The following KCNN1 variants were observed in gnomAD, a reference collection of about 807,000 sequenced individuals.
KCNN1 encodes the protein potassium calcium-activated channel subfamily N member 1, also known as small conductance calcium-activated potassium channel protein 1.
A neutral mutation model predicts 44.7 loss-of-function variants in KCNN1; 20 were observed. The ratio of observed to expected loss-of-function variants is 0.45; its 90% CI spans 0.32 to 0.65. The LOEUF (loss-of-function observed/expected upper bound fraction) is 0.65. KCNN1 is among the 30% of genes least tolerant of loss of function. The pLI is 0.05. For synonymous variants in KCNN1, 324 were observed against 341.7 expected, an observed-to-expected ratio of 0.95 and a Z score of 0.57; for missense variants, 632 against 785.3, an observed-to-expected ratio of 0.80 and a Z score of 2.33.
upstream of KCNN1, among the ~76,000 whole-genome samples, chr19:17,965,946 C>T (rs2031791838): frequency 6.6e-6 from 1 of 152,164 alleles, no homozygotes; most frequent in South Asian, 2.1e-4. Flanking sequence ...CACCTGGCCC[C>T]TCTGTGACTC....
chr19:17,997,526 G>C (rs1044433038), intron 9 of KCNN1, among the ~76,000 whole-genome samples: 2 of 152,118 alleles, frequency 1.3e-5, no homozygotes, highest in African/African-American at 4.8e-5. Context: ...TTCTTGAGAC[G>C]GATTTTCCCT....
chr19:17,978,682 G>A (rs562274232), intron 3 of KCNN1, among the ~76,000 whole-genome samples: 3 of 151,126 alleles, frequency 2.0e-5, no homozygotes, highest in Non-Finnish European at 4.4e-5. Flanking sequence ...CAAACTCCTG[G>A]GCTAGAGTGA....
intron 2 of KCNN1, among the ~76,000 whole-genome samples, chr19:17,955,735 C>T (rs1359698882): frequency 6.6e-6 from 1 of 151,676 alleles, no homozygotes. Context: ...GCCAGATGAC[C>T]TAGAAGTGGG....
At chr19:17,960,655 A>AAAAGG (rs1312149917) in intron 2 of KCNN1, among the ~76,000 whole-genome samples, 1 of 151,866 alleles carries the variant, frequency 6.6e-6, no homozygotes, top group Admixed American at 6.6e-5. Flanking sequence ...AAAAGAAAAG[A>AAAAGG]AAAACACACA....
chr19:17,982,109 C>T lies in KCNN1; in HGVS notation c.899C>T (p.Thr300Ile), dbSNP rs746081568. 1 of 1,577,654 alleles carries T rather than the reference C, an allele frequency of 6.3e-7. No homozygotes were observed. Among genetic ancestry groups the T allele is most frequent in the Non-Finnish European group, 8.6e-7 (1 of 1,161,744 alleles). The change falls in exon 4 of 10, where the codon ACC (threonine) becomes ATC (isoleucine). Residue 300 changes from threonine to isoleucine, a missense_variant. Thr to Ile is a moderately conservative substitution (Grantham distance 89). Coordinates refer to ENST00000684775, the MANE Select transcript of KCNN1 (RefSeq NM_001386974.1). ...SISSWIIAAWTVRVCERYHDK... is the reference protein window; with the variant it reads ...SISSWIIAAWIVRVCERYHDK... ...TCCTCCTGGATCATCGCAGCCTGGA[C>T]CGTGCGCGTCTGCGAGAGGTGCGAC...
At chr19:17,973,023 C>A (rs2032075087) in intron 1 of KCNN1, among the ~76,000 whole-genome samples, 2 of 152,100 alleles carry the variant, frequency 1.3e-5, no homozygotes, top group Admixed American at 1.3e-4. Flanking sequence ...GATTGGGAGA[C>A]CATTGTGGCT....
At chr19:17,997,955 C>G (rs2145983945) in intron 9 of KCNN1, among the ~76,000 whole-genome samples, 197 bp from the exon 10 acceptor site, 1 of 152,136 alleles carries the variant, frequency 6.6e-6, no homozygotes, top group East Asian at 1.9e-4. Flanking sequence ...CATCCACTCT[C>G]CAATCCTTCC....
intron 4 of KCNN1, among the ~76,000 whole-genome samples, chr19:17,984,794 A>G (rs2032538278): frequency 6.6e-6 from 1 of 151,972 alleles, no homozygotes; most frequent in Admixed American, 6.6e-5. Context: ...CCCAACCCCC[A>G]GATGCAACAT....
intron 1 of KCNN1, among the ~76,000 whole-genome samples, chr19:17,968,161 C>A (rs2031883537): frequency 6.6e-6 from 1 of 151,946 alleles, no homozygotes; most frequent in Admixed American, 6.6e-5. Context: ...CGGACTCTGG[C>A]TGCGCCCGCT....
chr19:17,978,048 A>T (rs2032263611), intron 3 of KCNN1, among the ~76,000 whole-genome samples: 1 of 151,594 alleles, frequency 6.6e-6, no homozygotes, highest in African/African-American at 2.4e-5. Context: ...TAGATAGAAG[A>T]GGTGTACTAA....
At chr19:17,969,689 G>A (rs2031944301) in intron 1 of KCNN1, among the ~76,000 whole-genome samples, 1 of 152,238 alleles carries the variant, frequency 6.6e-6, no homozygotes, top group African/African-American at 2.4e-5. Flanking sequence ...GGTGCGTTTC[G>A]GAAGGTCGTT....
In KCNN1 at chr19:17,974,376, C is replaced by T. The variant is rs2032135258; in HGVS notation, c.402+86C>T. On this transcript the variant is annotated intron_variant, in intron 2 of 9. Transcript: ENST00000684775. This position sits in a 1 kb window ranked among gnomAD's most constrained non-coding sequence, Gnocchi z 7.3. ...TGACATGGGGTTGGGGGTGGCAGGG[C>T]CCCCCGGGAGATAGGGAGTGTTAGG... 4 of 1,414,804 alleles carry T rather than the reference C, an allele frequency of 2.8e-6. No homozygotes were observed. Among genetic ancestry groups the T allele is most frequent in the South Asian group, 2.9e-5 (2 of 68,790 alleles). The allele number at this position is 1,414,804 out of a possible 1,614,324, so 87.6% of individuals were successfully genotyped here. A position where few individuals can be genotyped will look rare whatever the true frequency, so the allele number is the denominator to read the frequency against.
chr19:17,967,025 C>A, upstream of KCNN1: 1 of 580,844 alleles, frequency 1.7e-6, no homozygotes, highest in Non-Finnish European at 2.2e-6. Flanking sequence ...CTTGCGGGGT[C>A]GTCGAAGGCG....
At chr19:17,967,407 C>T (rs1296457587) in intron 1 of KCNN1, 90 bp downstream of exon 1, 2 of 705,392 alleles carry the variant, frequency 2.8e-6, no homozygotes, top group Non-Finnish European at 1.7e-6. Context: ...GAGGGGGACG[C>T]GGTTTGGGGC....
chr19:17,959,160 G>A (rs2031618749), intron 2 of KCNN1, among the ~76,000 whole-genome samples: 1 of 151,576 alleles, frequency 6.6e-6, no homozygotes, highest in South Asian at 2.1e-4. Context: ...GAGTAGCTGG[G>A]ATTATACGCG....
chr19:17,968,332 A>G (rs2031891157), intron 1 of KCNN1, among the ~76,000 whole-genome samples: 1 of 151,756 alleles, frequency 6.6e-6, no homozygotes, highest in African/African-American at 2.4e-5. Context: ...TCTGAAGAAC[A>G]GAAATCAATG....
Position 17,967,120 on chromosome 19 carries a change from C to A in KCNN1, c.-279C>A, listed in dbSNP as rs998243374. On this transcript the variant is annotated 5_prime_UTR_variant, in exon 1 of 10. Coordinates refer to ENST00000684775, the MANE Select transcript of KCNN1 (RefSeq NM_001386974.1). ...CCCGGCCCGGGCGGGCGCTCGCCCC[C>A]CGCCGGGCCCGTGGACTGGGCGGCG... 97 of 978,478 alleles carry A rather than the reference C, an allele frequency of 9.9e-5. No individual in the cohort carries two copies. The highest frequency in any genetic ancestry group is 7.5e-4 in the South Asian group (16 of 21,264). 60.6% of individuals were successfully genotyped at this position (978,478 alleles called of 1,614,324 possible). A position where few individuals can be genotyped will look rare whatever the true frequency, so the allele number is the denominator to read the frequency against.
At chr19:17,985,630 C>T (rs530978574) in intron 5 of KCNN1, among the ~76,000 whole-genome samples, 177 bp downstream of exon 5, 3 of 152,318 alleles carry the variant, frequency 2.0e-5, no homozygotes, top group South Asian at 4.1e-4. Flanking sequence ...TCTGACGTCA[C>T]GTGGAAGCCA....
intron 2 of KCNN1, among the ~76,000 whole-genome samples, chr19:17,956,006 T>C (rs1192049154): frequency 6.6e-6 from 1 of 152,094 alleles, no homozygotes; most frequent in East Asian, 1.9e-4. Flanking sequence ...CTTGGCTCAC[T>C]GCAACCTCCA....
Sources: gnomAD v4.1 joint callset for allele counts (sites outside exome capture counted in the v4.1 genomes callset) on GRCh38, gnomAD v4.1.1 for gene constraint, Gnocchi (gnomAD v3.1) non-coding constraint, MANE v1.5 for transcripts, NCBI Gene and HGNC (gene_info 2026-07-23, HGNC 2026-07-21) for gene names.